The following NICOL1 variants were observed in gnomAD, a reference collection of about 807,000 sequenced individuals.
NICOL1 encodes NELL2-interacting cell ontogeny regulator 1.
the NICOL1 span, among the ~76,000 whole-genome samples, chr4:2,039,269 C>A: frequency 6.6e-6 from 1 of 151,734 alleles, no homozygotes; most frequent in Non-Finnish European, 1.5e-5. Flanking sequence ...CAAAAATCAG[C>A]TGGGTGTGGG....
At chr4:2,042,806 C>T in the NICOL1 span, 1 of 1,504,960 alleles carries the variant, frequency 6.6e-7, no homozygotes, top group Non-Finnish European at 8.8e-7. Context: ...GGAAGACAGC[C>T]TGCAGCCTGG....
chr4:2,037,743 T>C, the NICOL1 span, among the ~76,000 whole-genome samples: 2 of 152,044 alleles, frequency 1.3e-5, no homozygotes, highest in Non-Finnish European at 2.9e-5. Flanking sequence ...ATAAATTAAA[T>C]GATATTCATA....
chr4:2,042,212 C>T, the NICOL1 span: 1 of 1,382,922 alleles, frequency 7.2e-7, no homozygotes, highest in Non-Finnish European at 9.3e-7. Context: ...GTGGGTGGGT[C>T]CAGGGCTCCC....
chr4:2,041,914 T>G, the NICOL1 span: 227 of 1,393,304 alleles, frequency 1.6e-4, no homozygotes, highest in African/African-American at 2.6e-3. Flanking sequence ...TAGGTTCCTC[T>G]AAACCCGCGG....
At chr4:2,040,393 G>A in the NICOL1 span, among the ~76,000 whole-genome samples, 1 of 152,202 alleles carries the variant, frequency 6.6e-6, no homozygotes, top group African/African-American at 2.4e-5. Context: ...ATTGTCCGTG[G>A]GCGCGACTGT....
the NICOL1 span, chr4:2,042,207 T>A: frequency 2.5e-6 from 2 of 814,610 alleles, no homozygotes; most frequent in African/African-American, 2.7e-5. Context: ...CCGGGGTGGG[T>A]GGGTCCAGGG....
the NICOL1 span, among the ~76,000 whole-genome samples, chr4:2,040,552 C>T: frequency 2.0e-5 from 3 of 152,170 alleles, no homozygotes; most frequent in Non-Finnish European, 4.4e-5. Context: ...CGCGGGGCTA[C>T]CCCTCTACGG....
At chr4:2,039,833 CTG>C in the NICOL1 span, among the ~76,000 whole-genome samples, 6 of 151,878 alleles carry the variant, frequency 4.0e-5, no homozygotes, top group Non-Finnish European at 8.8e-5. Context: ...GAGTAAGACT[CTG>C]TTTCAAAAAA....
chr4:2,042,827 G>A, the NICOL1 span: 1 of 1,483,426 alleles, frequency 6.7e-7, no homozygotes, highest in African/African-American at 1.4e-5. Context: ...ACGCGCGGGT[G>A]AGCGCCCGCG....
the NICOL1 span, among the ~76,000 whole-genome samples, chr4:2,038,089 A>G: frequency 6.6e-6 from 1 of 150,968 alleles, no homozygotes; most frequent in African/African-American, 2.4e-5. Context: ...GTGCATTTAA[A>G]TTTCCAAACA....
chr4:2,037,781 A>T, the NICOL1 span, among the ~76,000 whole-genome samples: 3 of 151,922 alleles, frequency 2.0e-5, no homozygotes, highest in Admixed American at 6.6e-5. Flanking sequence ...CAAATAAGAT[A>T]AAAAATTGAA....
the NICOL1 span, among the ~76,000 whole-genome samples, chr4:2,038,237 G>GTACATATA: frequency 7.7e-5 from 7 of 91,454 alleles, no homozygotes; most frequent in Non-Finnish European, 1.6e-4. Flanking sequence ...TGATCAGTGT[G>GTACATATA]TATATATATA....
the NICOL1 span, chr4:2,041,819 T>C: frequency 3.1e-6 from 2 of 644,506 alleles, no homozygotes; most frequent in African/African-American, 1.9e-5. Flanking sequence ...GGCAGTCCTC[T>C]AGACTGCATC....
chr4:2,042,960 C>T, the NICOL1 span: 6 of 582,664 alleles, frequency 1.0e-5, no homozygotes, highest in Non-Finnish European at 1.7e-5. Context: ...CACCTTGCCC[C>T]CTTCCTCTGG....
the NICOL1 span, among the ~76,000 whole-genome samples, chr4:2,039,593 G>C: frequency 2.0e-5 from 3 of 152,122 alleles, no homozygotes; most frequent in African/African-American, 7.2e-5. Context: ...CCAGCACTTT[G>C]GGAGGCAGAG....
At chr4:2,041,150 TG>T in the NICOL1 span, among the ~76,000 whole-genome samples, 7 of 65,636 alleles carry the variant, frequency 1.1e-4, no homozygotes, top group East Asian at 6.8e-4. Context: ...CTGGGTGGGG[TG>T]GGGGGGGAGC....
At chr4:2,042,593 G>T in the NICOL1 span, 3 of 504,396 alleles carry the variant, frequency 5.9e-6, no homozygotes, top group Non-Finnish European at 1.0e-5. Context: ...TCCCGGGAGC[G>T]GGTCCTCCCC....
the NICOL1 span, chr4:2,042,441 C>T: frequency 6.7e-6 from 3 of 444,946 alleles, no homozygotes; most frequent in African/African-American, 4.1e-5. Flanking sequence ...TGCTGGGCGC[C>T]CGGGCCCGCG....
chr4:2,042,362 C>A, the NICOL1 span: 2 of 512,864 alleles, frequency 3.9e-6, no homozygotes, highest in Admixed American at 3.6e-5. Context: ...ATGGCCCCCC[C>A]GCCCGCGTGC....
Sources: gnomAD v4.1 joint callset for allele counts (sites outside exome capture counted in the v4.1 genomes callset) on GRCh38, gnomAD v4.1.1 for gene constraint, MANE v1.5 for transcripts, NCBI Gene and HGNC (gene_info 2026-07-23, HGNC 2026-07-21) for gene names.